The following RNGTT variants were observed in gnomAD, a reference collection of about 807,000 sequenced individuals.
The protein encoded by RNGTT is RNA guanylyltransferase and 5'-phosphatase.
In RNGTT, 33 loss-of-function variants were observed where a neutral mutation model predicts 79.3. The ratio of observed to expected loss-of-function variants is 0.42; its 90% CI spans 0.32 to 0.56. The LOEUF is 0.56. Ranked by LOEUF, RNGTT falls within the 20% of genes least tolerant of loss-of-function variation. The pLI is 0.17. For synonymous variants in RNGTT, 222 were observed against 235.9 expected, an observed-to-expected ratio of 0.94 and a Z score of 0.54; for missense variants, 497 against 739.1, an observed-to-expected ratio of 0.67 and a Z score of 3.80.
intron 8 of RNGTT, among the ~76,000 whole-genome samples, chr6:88,857,674 T>C (rs1217559051): frequency 2.0e-5 from 3 of 152,094 alleles, no homozygotes; most frequent in Admixed American, 6.6e-5. Context: ...TTACAATATA[T>C]TTAGTGGGAA....
At chr6:88,683,510 T>C (rs1775164878) in intron 13 of RNGTT, among the ~76,000 whole-genome samples, 1 of 152,130 alleles carries the variant, frequency 6.6e-6, no homozygotes, top group Non-Finnish European at 1.5e-5. Context: ...TTAATTCTAA[T>C]TACACACAAA....
rs1781341879 is a variant in RNGTT at position 88,842,868 on chromosome 6, T to TG, written c.1269+1488dup. On this transcript the variant is annotated intron_variant, in intron 11 of 15. Transcript: ENST00000369485. ...AGGCTGATCACTTGAGCCCAGGAGTTGGAGACCAGCCTAGGCAACACAGGG... is the reference window on the plus strand; with the variant it reads ...AGGCTGATCACTTGAGCCCAGGAGTTGGGAGACCAGCCTAGGCAACACAGGG... Among the ~76,000 whole-genome samples, 7 of 152,128 alleles carry TG rather than the reference T, an allele frequency of 4.6e-5. No individual in the cohort carries two copies. In the South Asian group the frequency reaches 1.2e-3, roughly 27 times the overall value.
chr6:88,658,265 C>T (rs1025838246), intron 14 of RNGTT, among the ~76,000 whole-genome samples: 4 of 152,222 alleles, frequency 2.6e-5, no homozygotes, highest in Non-Finnish European at 5.9e-5. Flanking sequence ...CATATGACAA[C>T]GTCACCACTA....
intron 6 of RNGTT, among the ~76,000 whole-genome samples, chr6:88,897,450 T>C (rs956392026): frequency 4.6e-5 from 7 of 152,178 alleles, no homozygotes; most frequent in African/African-American, 7.2e-5. Flanking sequence ...TCCTCAGAGA[T>C]TTCTCTATCA....
intron 11 of RNGTT, among the ~76,000 whole-genome samples, chr6:88,844,115 GAAACA>G (rs1781407632): frequency 6.6e-6 from 1 of 151,904 alleles, no homozygotes; most frequent in African/African-American, 2.4e-5. Context: ...CAATGACCAT[GAAACA>G]AAAACTATTA....
chr6:88,612,027 ATC>A lies in RNGTT; in HGVS notation c.*690_*691del, dbSNP rs536063092. On this transcript the variant is annotated 3_prime_UTR_variant, in exon 16 of 16. Coordinates refer to ENST00000369485, the MANE Select transcript of RNGTT (RefSeq NM_003800.5). Reference sequence around the variant, plus strand: ...CACTGCCAGAATGGACACACTGGATATCTGATATCATAGTCGAAACAATACAA... The same window carrying A: ...CACTGCCAGAATGGACACACTGGATATGATATCATAGTCGAAACAATACAA... 7.9e-5 allele frequency: 12 copies of A among 152,668 alleles called. No homozygotes were observed. The highest frequency in any genetic ancestry group is 2.4e-4 in the African/African-American group (10 of 41,600). The allele number at this position is 152,668 out of a possible 1,614,324, so 9.5% of individuals were successfully genotyped here. A position where few individuals can be genotyped will look rare whatever the true frequency, so the allele number is the denominator to read the frequency against.
At chr6:88,739,725 T>TTATTTATATATATATATATA (rs1777405492) in intron 13 of RNGTT, among the ~76,000 whole-genome samples, 1 of 94,154 alleles carries the variant, frequency 1.1e-5, no homozygotes, top group African/African-American at 4.6e-5. Context: ...GTGAAAAAAA[T>TTATTTATATATATATATATA]TATATATATA....
intron 6 of RNGTT, among the ~76,000 whole-genome samples, chr6:88,896,778 G>T (rs1233354483): frequency 6.6e-6 from 1 of 152,132 alleles, no homozygotes; most frequent in African/African-American, 2.4e-5. Flanking sequence ...TGTATTGAAA[G>T]ATATTGCCCT....
chr6:88,651,512 T>C (rs1302163715), intron 14 of RNGTT, among the ~76,000 whole-genome samples: 2 of 152,082 alleles, frequency 1.3e-5, no homozygotes, highest in African/African-American at 2.4e-5. Flanking sequence ...GCACTAACTT[T>C]AAAAGTTAAA....
intron 12 of RNGTT, among the ~76,000 whole-genome samples, chr6:88,782,238 T>C (rs1323212417): frequency 6.6e-6 from 1 of 152,084 alleles, no homozygotes; most frequent in South Asian, 2.1e-4. Context: ...CAATCTAACA[T>C]AGTACCCTTT....
intron 1 of RNGTT, among the ~76,000 whole-genome samples, chr6:88,961,988 T>C (rs1785643939): frequency 6.6e-6 from 1 of 152,210 alleles, no homozygotes; most frequent in African/African-American, 2.4e-5. Context: ...GAATAAACTA[T>C]TGATACATGC....
chr6:88,634,165 A>G (rs1201184469), intron 14 of RNGTT, among the ~76,000 whole-genome samples: 1 of 152,192 alleles, frequency 6.6e-6, no homozygotes, highest in East Asian at 1.9e-4. Context: ...CATTTATACA[A>G]CACAACTAAT....
intron 1 of RNGTT, among the ~76,000 whole-genome samples, chr6:88,952,465 G>A (rs986917640): frequency 3.9e-5 from 6 of 152,332 alleles, no homozygotes; most frequent in African/African-American, 1.2e-4. Context: ...ACCACAGCTA[G>A]TGCTCTCTTG....
chr6:88,698,733 A>G (rs989389327), intron 13 of RNGTT, among the ~76,000 whole-genome samples: 1 of 152,176 alleles, frequency 6.6e-6, no homozygotes, highest in Non-Finnish European at 1.5e-5. Flanking sequence ...TTTTTTGTTT[A>G]TAAATAACTA....
At chr6:88,844,650 C>CT in intron 10 of RNGTT, 129 bp from the exon 11 acceptor site, 14 of 769,390 alleles carry the variant, frequency 1.8e-5, no homozygotes, top group Non-Finnish European at 2.5e-5. Flanking sequence ...CAGTGCACAG[C>CT]GTGCACAAAC....
chr6:88,642,916 A>C (rs1773377979), intron 14 of RNGTT, among the ~76,000 whole-genome samples: 1 of 152,224 alleles, frequency 6.6e-6, no homozygotes, highest in South Asian at 2.1e-4. Context: ...GTTTGAAAAA[A>C]TTATCTTTGA....
At chr6:88,691,337 C>T (rs150512662) in intron 13 of RNGTT, among the ~76,000 whole-genome samples, 109 of 150,466 alleles carry the variant, frequency 7.2e-4, no homozygotes, top group South Asian at 1.9e-3. Flanking sequence ...CTTCCTGTAC[C>T]GTCTGCACAA....
intron 8 of RNGTT, among the ~76,000 whole-genome samples, chr6:88,867,826 T>C (rs915695585): frequency 1.3e-5 from 2 of 152,210 alleles, no homozygotes; most frequent in African/African-American, 4.8e-5. Context: ...ATGCTAAAAG[T>C]AAGCTACTTT....
At chr6:88,717,779 A>G (rs1306259843) in intron 13 of RNGTT, among the ~76,000 whole-genome samples, 1 of 152,070 alleles carries the variant, frequency 6.6e-6, no homozygotes, top group African/African-American at 2.4e-5. Flanking sequence ...ACTCCACTCT[A>G]GCTAACCACC....
Sources: gnomAD v4.1 joint callset for allele counts (sites outside exome capture counted in the v4.1 genomes callset) on GRCh38, gnomAD v4.1.1 for gene constraint, MANE v1.5 for transcripts, NCBI Gene and HGNC (gene_info 2026-07-23, HGNC 2026-07-21) for gene names.